Variants in TBC1D5 observed in about 807,000 individuals in gnomAD.
TBC1D5 encodes TBC1 domain family, member 5.
TBC1D5 carries 75 observed loss-of-function variants against 100.3 expected under a neutral mutation model. The ratio of observed to expected loss-of-function variants is 0.75; its 90% CI spans 0.62 to 0.91. The LOEUF (loss-of-function observed/expected upper bound fraction) is 0.91. TBC1D5 is among the 40% of genes least tolerant of loss of function. The pLI is 0.00. For missense variants in TBC1D5, 910 were observed against 942.4 expected, an observed-to-expected ratio of 0.97 and a Z score of 0.45; for synonymous variants, 323 against 325.6, an observed-to-expected ratio of 0.99 and a Z score of 0.09.
chr3:17,567,347 T>G (rs1438557405), intron 2 of TBC1D5, among the ~76,000 whole-genome samples: 1 of 151,790 alleles, frequency 6.6e-6, no homozygotes, highest in African/African-American at 2.4e-5. Context: ...ATGTGGAATC[T>G]TATTTTGTTC....
intron 2 of TBC1D5, among the ~76,000 whole-genome samples, chr3:17,614,170 A>G (rs1237619507): frequency 6.6e-6 from 1 of 152,134 alleles, no homozygotes; most frequent in East Asian, 1.9e-4. Flanking sequence ...TGTTTTTGTC[A>G]GGTTTGTCAA....
At position 17,707,023 on chromosome 3, in the gene TBC1D5, T is replaced by C. The variant is rs1315918723; in HGVS notation, c.-101+32320A>G. On this transcript the variant is annotated intron_variant, in intron 1 of 21. Transcript: ENST00000253692. Reference sequence around the variant, plus strand: ...ATTTTCAAATTTAAATTAGTGGACTTCCTAAACTTTGGGATAATTTCGGTA... The same window carrying C: ...ATTTTCAAATTTAAATTAGTGGACTCCCTAAACTTTGGGATAATTTCGGTA... 3.3e-5 allele frequency among the ~76,000 whole-genome samples: 5 copies of C among 152,020 alleles called. No individual in the cohort carries two copies. The East Asian group carries it at 7.7e-4, about 23-fold the overall frequency.
chr3:17,216,182 A>G (rs994953576), intron 17 of TBC1D5, among the ~76,000 whole-genome samples: 2 of 152,150 alleles, frequency 1.3e-5, no homozygotes, highest in African/African-American at 4.8e-5. Flanking sequence ...TGTGACTTCA[A>G]GGAAGATGGT....
chr3:17,324,129 G>A (rs1168247596), intron 13 of TBC1D5, among the ~76,000 whole-genome samples: 2 of 152,056 alleles, frequency 1.3e-5, no homozygotes, highest in African/African-American at 4.8e-5. Context: ...ACAAAACAAT[G>A]AACCTCGTAC....
chr3:17,267,000 T>A (rs2078914968), intron 15 of TBC1D5, among the ~76,000 whole-genome samples: 1 of 152,014 alleles, frequency 6.6e-6, no homozygotes, highest in African/African-American at 2.4e-5. Flanking sequence ...CCAGCCTCAT[T>A]TTACATACTG....
intron 3 of TBC1D5, among the ~76,000 whole-genome samples, chr3:17,447,786 A>G (rs2094834225): frequency 6.6e-6 from 1 of 152,220 alleles, no homozygotes; most frequent in South Asian, 2.1e-4. Flanking sequence ...TTACCAATTA[A>G]TCATCAAAGT....
At chr3:17,470,495 A>G (rs945333901) in intron 3 of TBC1D5, among the ~76,000 whole-genome samples, 23 of 152,230 alleles carry the variant, frequency 1.5e-4, no homozygotes, top group African/African-American at 4.6e-4. Flanking sequence ...CAGTATATCT[A>G]TATTTCTATA....
intron 4 of TBC1D5, among the ~76,000 whole-genome samples, chr3:17,427,536 G>T (rs1468768715): frequency 2.0e-5 from 3 of 151,674 alleles, no homozygotes; most frequent in African/African-American, 7.3e-5. Flanking sequence ...ATTTATTATA[G>T]AAAAGAAGAC....
chr3:17,695,276 GC>G (rs2071843322), intron 1 of TBC1D5, among the ~76,000 whole-genome samples: 1 of 152,110 alleles, frequency 6.6e-6, no homozygotes, highest in African/African-American at 2.4e-5. Context: ...TGGACTAAAT[GC>G]CCCAATTAAA....
At chr3:17,521,914 T>C (rs572476733) in intron 2 of TBC1D5, among the ~76,000 whole-genome samples, 2 of 152,238 alleles carry the variant, frequency 1.3e-5, no homozygotes, top group South Asian at 2.1e-4. Context: ...TTTAATTGAT[T>C]AGTAGCTTCA....
intron 18 of TBC1D5, 32 bp downstream of exon 19, chr3:17,214,175 G>T (rs1483461263): frequency 1.3e-6 from 2 of 1,588,688 alleles, no homozygotes; most frequent in African/African-American, 1.4e-5. Flanking sequence ...AGAAAATGAA[G>T]AACGAAGAGA....
intron 1 of TBC1D5, among the ~76,000 whole-genome samples, chr3:17,715,274 C>T (rs1485979363): frequency 6.6e-6 from 1 of 152,170 alleles, no homozygotes; most frequent in Non-Finnish European, 1.5e-5. Flanking sequence ...GCAAAGCACT[C>T]TTCCAGTACT....
At chr3:17,517,345 C>T (rs551933256) in intron 2 of TBC1D5, among the ~76,000 whole-genome samples, 19 of 152,246 alleles carry the variant, frequency 1.2e-4, no homozygotes, top group Middle Eastern at 3.4e-3. Context: ...TAAACACACT[C>T]GTATGGTGGG....
intron 1 of TBC1D5, among the ~76,000 whole-genome samples, chr3:17,662,524 T>A (rs1307758643): frequency 3.9e-5 from 6 of 152,238 alleles, no homozygotes; most frequent in Non-Finnish European, 7.3e-5. Flanking sequence ...TGTATTTGAT[T>A]TTTTTCTCTA....
intron 1 of TBC1D5, among the ~76,000 whole-genome samples, chr3:17,660,591 T>G (rs2066545496): frequency 6.6e-6 from 1 of 152,202 alleles, no homozygotes; most frequent in South Asian, 2.1e-4. Context: ...GTTTCCCTAC[T>G]GGAACTGAAG....
At chr3:17,688,271 T>C (rs997617931) in intron 1 of TBC1D5, among the ~76,000 whole-genome samples, 2 of 152,134 alleles carry the variant, frequency 1.3e-5, no homozygotes, top group Non-Finnish European at 2.9e-5. Context: ...CATATAGCTA[T>C]ATCTAGAGAG....
At chr3:17,525,568 T>C (rs778193167) in intron 2 of TBC1D5, among the ~76,000 whole-genome samples, 2 of 152,196 alleles carry the variant, frequency 1.3e-5, no homozygotes, top group Non-Finnish European at 2.9e-5. Context: ...TACATTACTT[T>C]ATAAAGCTTA....
chr3:17,349,125 G>C (rs1050547200), intron 13 of TBC1D5, among the ~76,000 whole-genome samples: 1 of 152,110 alleles, frequency 6.6e-6, no homozygotes, highest in Non-Finnish European at 1.5e-5. Context: ...GCTTTCTTTG[G>C]GATTCTATAC....
At position 17,185,315 on chromosome 3, in the gene TBC1D5, T is replaced by A; in HGVS notation, c.1753-107A>T. ...AGTTTAAAGAAGCATGATACCTTTT[T>A]AAACCTAGACAAATCTAAATAGCAA... On this transcript the variant is annotated intron_variant, in intron 18 of 21. Coordinates refer to ENST00000253692, the Ensembl canonical transcript of TBC1D5. The A allele has an allele frequency of 1.3e-5, 10 of 797,264 alleles. No individual in the cohort carries two copies. The South Asian group carries it at 2.7e-4, about 21-fold the overall frequency. The allele number at this position is 797,264 out of a possible 1,614,324, so 49.4% of individuals were successfully genotyped here. A position where few individuals can be genotyped will look rare whatever the true frequency, so the allele number is the denominator to read the frequency against.
Sources: allele counts gnomAD v4.1 joint callset (sites outside exome capture counted in the v4.1 genomes callset), GRCh38; gene constraint gnomAD v4.1.1; transcripts MANE v1.5; gene names NCBI Gene and HGNC (gene_info 2026-07-23, HGNC 2026-07-21).